The following PCDHGA2 variants were observed in gnomAD, a reference collection of about 807,000 sequenced individuals.
PCDHGA2 encodes protocadherin gamma-A2.
A neutral mutation model predicts 59.2 loss-of-function variants in PCDHGA2; 40 were observed. That is an observed-to-expected ratio of 0.68 (90% CI 0.52 to 0.88). The LOEUF (loss-of-function observed/expected upper bound fraction) is 0.88, where lower values mean the gene tolerates loss of function less well. PCDHGA2 is among the 40% of genes least tolerant of loss of function. PCDHGA2 has a pLI of 0.00. For missense variants in PCDHGA2, 1,226 were observed against 1,204.0 expected (o/e 1.02, Z -0.27); for synonymous variants, 560 against 526.0 (o/e 1.06, Z -0.89).
chr5:141,425,795 T>A (rs2096894407), intron 1 of PCDHGA2, among the ~76,000 whole-genome samples: 1 of 152,244 alleles, frequency 6.6e-6, no homozygotes, highest in Non-Finnish European at 1.5e-5. Flanking sequence ...TTCCAATATG[T>A]GCATTGCTTC....
At chr5:141,393,222 G>T (rs950133126) in intron 1 of PCDHGA2, 2 of 1,613,670 alleles carry the variant, frequency 1.2e-6, no homozygotes, top group East Asian at 2.2e-5. Flanking sequence ...CCAGGTCGAA[G>T]ATCTAGAAGT....
intron 1 of PCDHGA2, chr5:141,414,951 G>A (rs1411406878): frequency 5.6e-6 from 9 of 1,614,092 alleles, no homozygotes; most frequent in Non-Finnish European, 7.6e-6. Flanking sequence ...GCTACCTGGT[G>A]ACCAAGGTGG....
At chr5:141,375,224 C>T in intron 1 of PCDHGA2, 1 of 1,613,976 alleles carries the variant, frequency 6.2e-7, no homozygotes, top group South Asian at 1.1e-5. Context: ...CCTGAATGGC[C>T]TGGTAACCTG....
chr5:141,356,207 C>T (rs763189186), intron 1 of PCDHGA2: 1 of 1,606,100 alleles, frequency 6.2e-7, no homozygotes. Flanking sequence ...GTACTGGTGA[C>T]AGTTCTGGAT....
intron 1 of PCDHGA2, among the ~76,000 whole-genome samples, chr5:141,472,862 T>C (rs770564770): frequency 1.3e-5 from 2 of 150,322 alleles, no homozygotes; most frequent in South Asian, 4.2e-4. Flanking sequence ...GGCACATGCC[T>C]GTATTCCCAG....
rs766428179 is a variant in PCDHGA2, at chr5:141,395,052, C to T, written c.2424+53657C>T. 25 of 1,614,148 alleles carry T rather than the reference C, an allele frequency of 1.5e-5. No homozygotes were observed. In the African/African-American group the frequency reaches 3.2e-4, roughly 21 times the overall value. On this transcript the variant is annotated intron_variant, in intron 1 of 3. Coordinates refer to ENST00000394576, the MANE Select transcript of PCDHGA2 (RefSeq NM_018915.4). Reference sequence around the variant, plus strand: ...ACATTTTGTGGGTGTTGAGGAGGTACAGGCTTTCCTGCAGACCTATTCCCA... The same window carrying T: ...ACATTTTGTGGGTGTTGAGGAGGTATAGGCTTTCCTGCAGACCTATTCCCA...
chr5:141,414,181 A>G, intron 1 of PCDHGA2: 2 of 1,609,294 alleles, frequency 1.2e-6, no homozygotes, highest in South Asian at 1.1e-5. Context: ...TGCAACTGCA[A>G]AAGTGTTGAT....
In PCDHGA2 at chr5:141,432,929, C is replaced by T. The variant is rs759937939; in HGVS notation, c.2425-61878C>T. On this transcript the variant is annotated intron_variant, in intron 1 of 3. Coordinates refer to ENST00000394576, the MANE Select transcript of PCDHGA2 (RefSeq NM_018915.4). This position sits in a 1 kb window ranked among gnomAD's most constrained non-coding sequence, Gnocchi z 6.0. ...GCTGCGGCGCTGGCACAAGTCACGCCTGCTGCAGGCTTCAGGAGGCGGCTT... is the reference window on the plus strand; with the variant it reads ...GCTGCGGCGCTGGCACAAGTCACGCTTGCTGCAGGCTTCAGGAGGCGGCTT... The T allele has an allele frequency of 6.2e-7, 1 of 1,614,078 alleles. No individual in the cohort carries two copies. Among genetic ancestry groups the T allele is most frequent in the African/African-American group, 1.3e-5 (1 of 74,948 alleles).
chr5:141,422,062 A>C, intron 1 of PCDHGA2: 4 of 1,612,140 alleles, frequency 2.5e-6, no homozygotes, highest in Non-Finnish European at 3.4e-6. Context: ...CGGGGAAGTA[A>C]TGTATTCATT....
chr5:141,428,061 G>A (rs755817800), intron 1 of PCDHGA2: 1 of 1,609,154 alleles, frequency 6.2e-7, no homozygotes, highest in South Asian at 1.1e-5. Flanking sequence ...GGTGGCGGTG[G>A]ACGCAGATTC....
chr5:141,417,682 AAAAG>A (rs2096147308), intron 1 of PCDHGA2: 2 of 1,035,494 alleles, frequency 1.9e-6, no homozygotes, highest in Non-Finnish European at 2.7e-6. Context: ...CCAACAACAG[AAAAG>A]AAAACCAGCT....
chr5:141,384,818 A>G, intron 1 of PCDHGA2: 1 of 1,613,488 alleles, frequency 6.2e-7, no homozygotes, highest in East Asian at 2.2e-5. Context: ...GCCCTCAAGC[A>G]GAGCCTCGTG....
chr5:141,460,224 T>C (rs986301555), intron 1 of PCDHGA2, among the ~76,000 whole-genome samples: 1 of 152,168 alleles, frequency 6.6e-6, no homozygotes, highest in African/African-American at 2.4e-5. Context: ...GTTGTGTCTT[T>C]TGAAGAGCAG....
rs376515666 is a variant in PCDHGA2, at chr5:141,394,832, C to T, written c.2424+53437C>T. On this transcript the variant is annotated intron_variant, in intron 1 of 3. Coordinates refer to ENST00000394576, the MANE Select transcript of PCDHGA2 (RefSeq NM_018915.4). The stretch of plus-strand genomic sequence containing the variant: ...CTGACAGCATCCCCGAAGTCCTGAC[C>T]GAGTTGGGCAGTCTGAAGCCTTCGG... The T allele has an allele frequency of 1.5e-5, 24 of 1,613,710 alleles. No individual in the cohort carries two copies. In the East Asian group the frequency reaches 3.3e-4, roughly 22 times the overall value.
intron 1 of PCDHGA2, among the ~76,000 whole-genome samples, chr5:141,481,913 CAAAAAAAAA>C (rs34114744): frequency 1.1e-5 from 1 of 90,852 alleles, no homozygotes; most frequent in Non-Finnish European, 2.2e-5. Flanking sequence ...AACTCCATCT[CAAAAAAAAA>C]AAAAAAAAAA....
intron 1 of PCDHGA2, among the ~76,000 whole-genome samples, chr5:141,445,077 T>C (rs778919022): frequency 5.9e-5 from 9 of 152,242 alleles, no homozygotes; most frequent in Non-Finnish European, 1.2e-4. Flanking sequence ...CTCATTAAAT[T>C]GTCCCTACAT....
Position 141,447,812 on chromosome 5 carries a change from G to A in PCDHGA2, c.2425-46995G>A, listed in dbSNP as rs557330895. 5.4e-4 allele frequency among the ~76,000 whole-genome samples: 82 copies of A among 152,254 alleles called. 1 individual carries two copies. The highest frequency in any genetic ancestry group is 1.3e-3 in the Admixed American group (20 of 15,294). On this transcript the variant is annotated intron_variant, in intron 1 of 3. Coordinates refer to ENST00000394576, the MANE Select transcript of PCDHGA2 (RefSeq NM_018915.4). ...TTTAAGAAAATAAAATTGGCTGGGC[G>A]TGGTGGCTCACGCCTGTAATCCCAG...
chr5:141,369,800 C>T lies in PCDHGA2; in HGVS notation c.2424+28405C>T, dbSNP rs192992906. 3.3e-3 allele frequency among the ~76,000 whole-genome samples: 501 copies of T among 152,282 alleles called. 3 individuals are homozygous for T. Among genetic ancestry groups the T allele is most frequent in the Non-Finnish European group, 5.3e-3 (361 of 68,024 alleles). ...AAGCCTCTTTATACTACGTCTTCTG[C>T]CATCACCAAAAATAGCTTCCATTTG... On this transcript the variant is annotated intron_variant, in intron 1 of 3. Transcript: ENST00000394576.
rs1760008721 is a variant in PCDHGA2 at position 141,355,838 on chromosome 5, C to CGGCCT, written c.2424+14444_2424+14448dup. On this transcript the variant is annotated intron_variant, in intron 1 of 3. Transcript: ENST00000394576. ...GAGGCGGTTCACCACCTCGTTCTCA[C>CGGCCT]GGCCTTCGATGGAGGTGACCCGGTT... is the stretch of plus-strand genomic sequence containing the variant. 2.5e-6 allele frequency: 4 copies of CGGCCT among 1,611,996 alleles called. No individual in the cohort carries two copies. In the South Asian group the frequency reaches 4.4e-5, roughly 18 times the overall value.
Sources: allele counts gnomAD v4.1 joint callset (sites outside exome capture counted in the v4.1 genomes callset), GRCh38; gene constraint gnomAD v4.1.1; non-coding constraint Gnocchi (gnomAD v3.1); transcripts MANE v1.5; gene names NCBI Gene and HGNC (gene_info 2026-07-23, HGNC 2026-07-21).